ABCB1: variants seen among roughly 807,000 people sequenced by gnomAD.
ABCB1 encodes the protein ATP-dependent translocase ABCB1.
In ABCB1, 69 loss-of-function variants were observed where a neutral mutation model predicts 142.0. The observed-to-expected ratio is 0.49, with a 90% CI of 0.40 to 0.59. The LOEUF (loss-of-function observed/expected upper bound fraction) is 0.59. Ranked by LOEUF, ABCB1 falls within the 20% of genes least tolerant of loss-of-function variation. The pLI, the probability that ABCB1 is intolerant of heterozygous loss-of-function variation, is 0.00. For synonymous variants in ABCB1, 532 were observed against 539.2 expected (o/e 0.99, Z 0.18); for missense variants, 1,326 against 1,554.7 (o/e 0.85, Z 2.47).
At chr7:87,669,766 A>AT (rs1056948301) in intron 1 of ABCB1, among the ~76,000 whole-genome samples, 12 of 152,004 alleles carry the variant, frequency 7.9e-5, no homozygotes, top group Admixed American at 7.2e-4. Flanking sequence ...TTGGTTGAAG[A>AT]TTTTTTTCTT....
intron 1 of ABCB1, among the ~76,000 whole-genome samples, chr7:87,675,915 C>T (rs560606971): frequency 6.6e-6 from 1 of 152,258 alleles, no homozygotes; most frequent in East Asian, 1.9e-4. Flanking sequence ...AGTGGAACGA[C>T]ATTAAACTGA....
chr7:87,618,320 C>T (rs945811217), intron 1 of ABCB1, among the ~76,000 whole-genome samples: 8 of 152,170 alleles, frequency 5.3e-5, no homozygotes. Flanking sequence ...AATTTTTGCT[C>T]ACCATTGTAC....
intron 1 of ABCB1, among the ~76,000 whole-genome samples, chr7:87,637,504 G>A (rs931066955): frequency 1.2e-4 from 19 of 152,142 alleles, no homozygotes; most frequent in Admixed American, 1.2e-3. Flanking sequence ...TCAGTTTTGG[G>A]AAAACTGCCA....
chr7:87,516,516 A>G lies in ABCB1; in HGVS notation c.3077T>C (p.Leu1026Pro). ...PLIDSYSTEG[L>P]MPNTLEGNVT... ...TTGAAACATCAAACTCACCGGCATT[A>G]GGCCTTCCGTGCTGTAGCTGTCAAT... Residue 1026 changes from leucine (L) to proline (P), a missense_variant, in exon 24 of 28, where the codon CTA (leucine) becomes CCA (proline). By Grantham distance (98) the Leu-to-Pro change is moderately conservative (BLOSUM62 -3). Coordinates refer to ENST00000622132, the MANE Select transcript of ABCB1 (RefSeq NM_001348946.2). The G allele has an allele frequency of 1.2e-6, 2 of 1,614,204 alleles. No individual in the cohort carries two copies. Among genetic ancestry groups the G allele is most frequent in the South Asian group, 1.1e-5 (1 of 91,084 alleles).
chr7:87,526,618 A>G (rs73705240), intron 21 of ABCB1, among the ~76,000 whole-genome samples: 2,033 of 152,288 alleles, frequency 0.013, 46 homozygotes, highest in African/African-American at 0.046. Context: ...AATACCTTTG[A>G]TGTTAAACTC....
Position 87,580,883 on chromosome 7 carries a change from GT to G in ABCB1, c.286+4628del, listed in dbSNP as rs545554187. 3.3e-5 allele frequency among the ~76,000 whole-genome samples: 5 copies of G among 152,042 alleles called. No individual in the cohort carries two copies. The South Asian group carries it at 1.0e-3, about 32-fold the overall frequency. ...GTGCTGCTGGTGGGGGAGGGGAAGA[GT>G]GGTGCAGGCAATTCAAGACTCTCTT... On this transcript the variant is annotated intron_variant, in intron 4 of 27. Coordinates refer to ENST00000622132, the MANE Select transcript of ABCB1 (RefSeq NM_001348946.2).
intron 14 of ABCB1, among the ~76,000 whole-genome samples, chr7:87,548,015 CAAGAA>C (rs1038737297): frequency 7.2e-6 from 1 of 139,826 alleles, no homozygotes; most frequent in Non-Finnish European, 1.6e-5. Flanking sequence ...AGAAAAGAAA[CAAGAA>C]AAGAAAAGAT....
At chr7:87,628,300 G>GC (rs1003263561) in intron 1 of ABCB1, 1 of 152,352 alleles carries the variant, frequency 6.6e-6, no homozygotes, top group African/African-American at 2.4e-5. Context: ...CGCGCGGCCG[G>GC]CCCCGCCCCT....
intron 21 of ABCB1, among the ~76,000 whole-genome samples, chr7:87,523,127 G>A (rs568778602): frequency 1.3e-5 from 2 of 151,908 alleles, no homozygotes; most frequent in African/African-American, 4.8e-5. Flanking sequence ...TAGAAACGGG[G>A]TCTTGCTCTG....
intron 17 of ABCB1, among the ~76,000 whole-genome samples, chr7:87,541,805 C>T (rs1311628699): frequency 3.3e-5 from 5 of 152,224 alleles, no homozygotes; most frequent in Middle Eastern, 3.2e-3. Flanking sequence ...CATTGCTTTA[C>T]TATTTGGACA....
chr7:87,541,380 A>T lies in ABCB1; in HGVS notation c.2296T>A (p.Ser766Thr). The change falls in exon 18 of 28, where the codon TCT becomes ACT. Residue 766 changes from serine to threonine, a missense_variant. Physicochemically the swap from Ser to Thr is moderately conservative, Grantham distance 58 (BLOSUM62 1). Transcript: ENST00000622132. ...SLLFLALGII[S>T]FITFFLQGFT... ...ACCTGAAGGAAAAATGTAATAAAAGAAATAATTCCAAGGGCTAGAAACAAT... is the reference window on the plus strand; with the variant it reads ...ACCTGAAGGAAAAATGTAATAAAAGTAATAATTCCAAGGGCTAGAAACAAT... 6.3e-7 allele frequency: 1 copy of T among 1,591,626 alleles called. No homozygotes were observed. Among genetic ancestry groups the T allele is most frequent in the South Asian group, 1.1e-5 (1 of 90,604 alleles).
chr7:87,684,267 G>A (rs1284212589), intron 1 of ABCB1, among the ~76,000 whole-genome samples: 2 of 152,014 alleles, frequency 1.3e-5, no homozygotes, highest in South Asian at 4.1e-4. Context: ...TTTTCATATT[G>A]TTTTATAGAT....
At chr7:87,691,508 C>G (rs926908314) in intron 1 of ABCB1, among the ~76,000 whole-genome samples, 5 of 152,078 alleles carry the variant, frequency 3.3e-5, no homozygotes, top group African/African-American at 1.2e-4. Context: ...AATACTGTTT[C>G]ACTTTCTTTT....
At chr7:87,644,852 GAA>G (rs1286653084) in intron 1 of ABCB1, among the ~76,000 whole-genome samples, 1 of 151,634 alleles carries the variant, frequency 6.6e-6, no homozygotes, top group Non-Finnish European at 1.5e-5. Flanking sequence ...AGACATTAAA[GAA>G]AATTATTTTT....
rs759801677 is a variant in ABCB1, at chr7:87,509,362, T to A, written c.3402A>T (p.Gly1134=). 2 of 1,614,010 alleles carry A rather than the reference T, an allele frequency of 1.2e-6. No homozygotes were observed. Among genetic ancestry groups the A allele is most frequent in the Non-Finnish European group, 1.7e-6 (2 of 1,179,994 alleles). The change falls in exon 26 of 28, where the codon GGA becomes GGT. Residue 1134 remains glycine (G), a synonymous_variant. Transcript: ENST00000622132. The stretch of plus-strand genomic sequence containing the variant: ...CCTGTGACACCACCCGGCTGTTGTC[T>A]CCATAGGCAATGTTCTCAGCAATGC... ...DCSIAENIAY[G]DNSRVVSQEE...
intron 1 of ABCB1, among the ~76,000 whole-genome samples, chr7:87,709,835 T>C (rs1224926701): frequency 3.3e-5 from 5 of 152,220 alleles, no homozygotes; most frequent in Non-Finnish European, 5.9e-5. Context: ...AATTGATTTA[T>C]GAAGTTCTTA....
At chr7:87,603,832 C>T (rs1192271252), upstream of ABCB1, among the ~76,000 whole-genome samples, 1 of 152,180 alleles carries the variant, frequency 6.6e-6, no homozygotes, top group African/African-American at 2.4e-5. Context: ...ACTCTGCTAT[C>T]CCACAGTTAC....
chr7:87,659,463 CCTTT>C (rs1824470616), intron 1 of ABCB1, among the ~76,000 whole-genome samples: 1 of 151,990 alleles, frequency 6.6e-6, no homozygotes, highest in African/African-American at 2.4e-5. Context: ...AAAAATCTTA[CCTTT>C]CTTTATGTCC....
intron 21 of ABCB1, among the ~76,000 whole-genome samples, 157 bp downstream of exon 21, chr7:87,531,137 A>G (rs553748996): frequency 6.6e-6 from 1 of 152,200 alleles, no homozygotes; most frequent in Non-Finnish European, 1.5e-5. Context: ...TACTTTCTGT[A>G]AGTTTCTAAT....
Sources: allele counts gnomAD v4.1 joint callset (sites outside exome capture counted in the v4.1 genomes callset), GRCh38; gene constraint gnomAD v4.1.1; transcripts MANE v1.5; gene names NCBI Gene and HGNC (gene_info 2026-07-23, HGNC 2026-07-21).